The following MED12L variants were observed in gnomAD, a reference collection of about 807,000 sequenced individuals.
The protein encoded by MED12L is mediator complex subunit 12L.
A neutral mutation model predicts 281.3 loss-of-function variants in MED12L; 60 were observed. The ratio of observed to expected loss-of-function variants is 0.21; its 90% CI spans 0.17 to 0.26. The LOEUF (loss-of-function observed/expected upper bound fraction) is 0.26. Ranked by LOEUF, MED12L falls within the 10% of genes least tolerant of loss-of-function variation. The pLI, the probability that MED12L is intolerant of heterozygous loss-of-function variation, is 1.00. For synonymous variants in MED12L, 974 were observed against 987.2 expected, an observed-to-expected ratio of 0.99 and a Z score of 0.25; for missense variants, 2,146 against 2,680.9, an observed-to-expected ratio of 0.80 and a Z score of 4.41.
At chr3:151,135,014 G>A (rs1715939204) in intron 5 of MED12L, among the ~76,000 whole-genome samples, 1 of 152,074 alleles carries the variant, frequency 6.6e-6, no homozygotes, top group South Asian at 2.1e-4. Flanking sequence ...AAGGATAATT[G>A]ACAGTACTTA....
intron 16 of MED12L, among the ~76,000 whole-genome samples, chr3:151,266,089 TTTCCCCTTTCAG>T (rs1421370631): frequency 2.0e-5 from 3 of 152,208 alleles, no homozygotes; most frequent in African/African-American, 7.2e-5. Context: ...TGCTGCCATC[TTTCCCCTTTCAG>T]TTCCCCTTTC....
chr3:151,197,795 G>A (rs28690162), intron 16 of MED12L: 54,477 of 152,438 alleles, frequency 0.36, 14,019 homozygotes, highest in African/African-American at 0.73. Flanking sequence ...TAACCTACAG[G>A]TAGAATATAA....
intron 16 of MED12L, among the ~76,000 whole-genome samples, chr3:151,281,525 A>G (rs551319618): frequency 2.6e-5 from 4 of 152,232 alleles, no homozygotes; most frequent in Non-Finnish European, 5.9e-5. Flanking sequence ...TAACGACATT[A>G]TAATTAAAAT....
chr3:151,281,460 C>T (rs963138407), intron 16 of MED12L, among the ~76,000 whole-genome samples: 14 of 151,620 alleles, frequency 9.2e-5, no homozygotes, highest in Non-Finnish European at 1.3e-4. Flanking sequence ...CTTTTAGCAA[C>T]GTAGGTAATG....
intron 16 of MED12L, among the ~76,000 whole-genome samples, chr3:151,287,496 T>C (rs1233102202): frequency 1.3e-5 from 2 of 152,066 alleles, no homozygotes; most frequent in Non-Finnish European, 2.9e-5. Context: ...GGGTATATGA[T>C]GGTATTGTTA....
At chr3:151,189,390 A>C (rs1274132986) in intron 13 of MED12L, among the ~76,000 whole-genome samples, 2 of 152,166 alleles carry the variant, frequency 1.3e-5, no homozygotes, top group Non-Finnish European at 2.9e-5. Context: ...GAAGCAGAAA[A>C]GTGAAAGGAC....
intron 41 of MED12L, among the ~76,000 whole-genome samples, chr3:151,412,253 G>A (rs571208930): frequency 2.2e-4 from 33 of 152,294 alleles, no homozygotes; most frequent in Middle Eastern, 3.4e-3. Context: ...AAGGCTTCAT[G>A]CTTAGTTTAA....
At chr3:151,302,829 T>C (rs543402806) in intron 16 of MED12L, among the ~76,000 whole-genome samples, 1 of 152,268 alleles carries the variant, frequency 6.6e-6, no homozygotes, top group Non-Finnish European at 1.5e-5. Context: ...CTGGAGTTTA[T>C]AAAGAAGAGA....
Position 151,365,099 on chromosome 3 carries a change from C to G in MED12L, c.3078C>G (p.Ile1026Met). Reference sequence around the variant, plus strand: ...TTGAGAATCCCTCAGCCCGCAGCATCAACTACTCAATGCTGGGCAAGATCC... The same window carrying G: ...TTGAGAATCCCTCAGCCCGCAGCATGAACTACTCAATGCTGGGCAAGATCC... Reference protein sequence around the residue: ...DFIENPSARSINYSMLGKILS... With the variant: ...DFIENPSARSMNYSMLGKILS... The change falls in exon 22 of 45, where the codon ATC becomes ATG. Residue 1026 changes from isoleucine (I) to methionine (M), a missense_variant. Transcript: ENST00000687756. 1 of 1,613,988 alleles carries G rather than the reference C, an allele frequency of 6.2e-7. No homozygotes were observed.
chr3:151,358,458 G>A (rs933521313), intron 20 of MED12L, among the ~76,000 whole-genome samples: 5 of 152,102 alleles, frequency 3.3e-5, no homozygotes, highest in South Asian at 2.1e-4. Context: ...AAAATCTTTC[G>A]AACTGGAAGC....
chr3:151,389,589 C>T (rs949736156), intron 37 of MED12L, among the ~76,000 whole-genome samples: 4 of 152,114 alleles, frequency 2.6e-5, no homozygotes, highest in Non-Finnish European at 4.4e-5. Flanking sequence ...GGCTCTCTGG[C>T]GTAATTCTCC....
At chr3:151,332,547 A>G (rs1750468127) in intron 16 of MED12L, among the ~76,000 whole-genome samples, 2 of 152,132 alleles carry the variant, frequency 1.3e-5, no homozygotes. Context: ...AGCTAGAGAT[A>G]GGCAATAAAT....
intron 22 of MED12L, 60 bp downstream of exon 22, chr3:151,365,266 T>C: frequency 7.2e-7 from 1 of 1,386,392 alleles, no homozygotes; most frequent in Non-Finnish European, 1.0e-6. Flanking sequence ...TGGTGCTTCT[T>C]TGAAATTGAT....
chr3:151,166,395 G>T (rs920935222), intron 11 of MED12L, among the ~76,000 whole-genome samples: 1 of 151,962 alleles, frequency 6.6e-6, no homozygotes, highest in African/African-American at 2.4e-5. Context: ...TAGACAATGT[G>T]TTAGGGTTCT....
rs201286866 is a variant in MED12L at position 151,413,120 on chromosome 3, T to A, written c.6141-19T>A. The A allele has an allele frequency of 6.5e-5, 105 of 1,603,178 alleles. No homozygotes were observed. The highest frequency in any genetic ancestry group is 2.7e-4 in the East Asian group (12 of 44,550). Reference sequence around the variant, plus strand: ...ACATTATGCTTGGGCCTGAACCAAGTTGCATTATTCTTTGCCAGACTGAAC... The same window carrying A: ...ACATTATGCTTGGGCCTGAACCAAGATGCATTATTCTTTGCCAGACTGAAC... On this transcript the variant is annotated intron_variant, in intron 41 of 44. Coordinates refer to ENST00000687756, the MANE Select transcript of MED12L (RefSeq NM_001393769.1).
intron 12 of MED12L, among the ~76,000 whole-genome samples, chr3:151,186,676 G>A (rs1454206867): frequency 1.3e-5 from 2 of 152,146 alleles, no homozygotes; most frequent in Non-Finnish European, 2.9e-5. Context: ...CTCAACATGT[G>A]GCACCTGGGG....
intron 39 of MED12L, among the ~76,000 whole-genome samples, chr3:151,405,095 A>T (rs957055229): frequency 8.5e-5 from 13 of 152,262 alleles, no homozygotes; most frequent in African/African-American, 3.1e-4. Flanking sequence ...CAGCAGTAAG[A>T]GAGAGAACTC....
At chr3:151,132,032 T>A (rs976559691) in intron 5 of MED12L, among the ~76,000 whole-genome samples, 20 of 152,206 alleles carry the variant, frequency 1.3e-4, no homozygotes, top group African/African-American at 4.6e-4. Context: ...TTTTTATGAT[T>A]ATTAATGTAT....
chr3:151,104,500 CT>C (rs1287341260), intron 2 of MED12L, among the ~76,000 whole-genome samples: 2 of 152,132 alleles, frequency 1.3e-5, no homozygotes, highest in Non-Finnish European at 2.9e-5. Flanking sequence ...TATCCAGAGC[CT>C]TAGTGAAGCT....
Sources: allele counts gnomAD v4.1 joint callset (sites outside exome capture counted in the v4.1 genomes callset), GRCh38; gene constraint gnomAD v4.1.1; transcripts MANE v1.5; gene names NCBI Gene and HGNC (gene_info 2026-07-23, HGNC 2026-07-21).